PPEF1: variants seen among roughly 807,000 people sequenced by gnomAD.
The protein encoded by PPEF1 is serine/threonine-protein phosphatase with EF-hands 1.
Under a neutral mutation model 53.3 loss-of-function variants are expected in PPEF1, and 12 were observed. The ratio of observed to expected loss-of-function variants is 0.23; its 90% confidence interval spans 0.14 to 0.36. The LOEUF is 0.36. Among genes scored for constraint, PPEF1 ranks in the 10% least tolerant of loss-of-function variants. The pLI is 1.00. For missense variants in PPEF1, 334 were observed against 490.4 expected (o/e 0.68, Z 3.01); for synonymous variants, 165 against 176.7 (o/e 0.93, Z 0.52).
intron 3 of PPEF1, 65 bp downstream of exon 3, chrX:18,733,873 G>A: frequency 2.2e-6 from 2 of 928,005 alleles, no homozygotes; most frequent in Non-Finnish European, 2.9e-6. Flanking sequence ...ATCAAGAGCG[G>A]TAAATTCTGA....
intron 1 of PPEF1, among the ~76,000 whole-genome samples, chrX:18,708,626 G>A (rs753334587): frequency 5.1e-4 from 57 of 112,245 alleles, no homozygotes; most frequent in African/African-American, 1.6e-3. Flanking sequence ...GCCTTTGGAA[G>A]TTTATTCAGG....
chrX:18,693,525 T>C (rs1334728910), intron 4 of PPEF1, among the ~76,000 whole-genome samples: 1 of 112,595 alleles, frequency 8.9e-6, no homozygotes, highest in Non-Finnish European at 1.9e-5. Flanking sequence ...AAAACCGCAG[T>C]TACTTTTGCA....
At chrX:18,775,268 A>G (rs1281457362) in intron 6 of PPEF1, among the ~76,000 whole-genome samples, 1 of 82,598 alleles carries the variant, frequency 1.2e-5, no homozygotes, top group African/African-American at 5.0e-5. Flanking sequence ...CCCAGGCTGG[A>G]GTGCCCTGGC....
intron 13 of PPEF1, among the ~76,000 whole-genome samples, chrX:18,821,947 G>A (rs2047069708): frequency 9.0e-6 from 1 of 111,678 alleles, no homozygotes; most frequent in Non-Finnish European, 1.9e-5. Flanking sequence ...ATGTGGCTAT[G>A]GTCCACTGGA....
intron 2 of PPEF1, among the ~76,000 whole-genome samples, chrX:18,733,203 T>A (rs1408569681): frequency 9.0e-6 from 1 of 110,957 alleles, no homozygotes; most frequent in East Asian, 2.8e-4. Flanking sequence ...TGAAACTCCA[T>A]CTTAAAAAAA....
intron 1 of PPEF1, among the ~76,000 whole-genome samples, chrX:18,683,956 GCTA>G (rs764590060): frequency 1.8e-5 from 2 of 112,248 alleles, no homozygotes; most frequent in East Asian, 5.6e-4. Context: ...CATTTTTAAT[GCTA>G]CTGTTTAGTA....
upstream of PPEF1, among the ~76,000 whole-genome samples, chrX:18,680,648 G>A (rs1452955770): frequency 9.1e-6 from 1 of 109,495 alleles, no homozygotes; most frequent in East Asian, 2.8e-4. Context: ...TTAAGTTTCA[G>A]GGTACATGTG....
intron 7 of PPEF1, among the ~76,000 whole-genome samples, chrX:18,780,931 C>A (rs1262431168): frequency 1.8e-5 from 2 of 109,820 alleles, no homozygotes; most frequent in Non-Finnish European, 3.8e-5. Flanking sequence ...TGGCGGGCGC[C>A]TGTAGTCCCA....
At chrX:18,797,999 T>A (rs1003164163) in intron 10 of PPEF1, among the ~76,000 whole-genome samples, 1 of 111,077 alleles carries the variant, frequency 9.0e-6, no homozygotes, top group Non-Finnish European at 1.9e-5. Flanking sequence ...CAGTCTTAAG[T>A]GATAAGTTCT....
intron 10 of PPEF1, among the ~76,000 whole-genome samples, chrX:18,801,994 AAAAG>A (rs1194018171): frequency 2.0e-4 from 22 of 109,549 alleles, no homozygotes; most frequent in African/African-American, 7.3e-4. Context: ...AAAAAAAAAA[AAAAG>A]AAAAGAAAAG....
At chrX:18,678,529 C>T (rs990005207), upstream of PPEF1, among the ~76,000 whole-genome samples, 2 of 112,012 alleles carry the variant, frequency 1.8e-5, no homozygotes, top group African/African-American at 6.5e-5. Flanking sequence ...CTTTATAATA[C>T]AGTTCTTAGA....
intron 3 of PPEF1, among the ~76,000 whole-genome samples, chrX:18,740,348 AG>A (rs1400781401): frequency 9.0e-6 from 1 of 110,941 alleles, no homozygotes; most frequent in African/African-American, 3.3e-5. Context: ...CAGCAGATCT[AG>A]GGGAAAATGG....
rs899360824 is a variant in PPEF1, at chrX:18,794,378, A to G, written c.1065+5105A>G. Among the ~76,000 whole-genome samples, 4 of 112,932 alleles carry G rather than the reference A, an allele frequency of 3.5e-5. No individual in the cohort carries two copies. The Admixed American group carries it at 3.7e-4, about 11-fold the overall frequency. On this transcript the variant is annotated intron_variant, in intron 10 of 15. Coordinates refer to ENST00000470157, the MANE Select transcript of PPEF1 (RefSeq NM_001377996.1). ...AACTTCCTTACACTCTGTGCCAAAT[A>G]AGGCCAGTCCCTTAGGAAGAGTGGC...
chrX:18,827,396 G>A lies in PPEF1; in HGVS notation c.1871G>A (p.Gly624Glu). Residue 624 changes from glycine to glutamate, a missense_variant, in exon 16 of 16, where the codon GGA (glycine) becomes GAA (glutamate). Gly to Glu is a moderately conservative substitution (Grantham distance 98). Transcript: ENST00000470157. ...LANIMDLNKD[G>E]SIDFNEFLKA... Reference sequence around the variant, plus strand: ...AACATAATGGACTTGAACAAAGATGGAAGCATTGACTTTAATGAGTTTTTA... The same window carrying A: ...AACATAATGGACTTGAACAAAGATGAAAGCATTGACTTTAATGAGTTTTTA... 1 of 1,209,626 alleles carries A rather than the reference G, an allele frequency of 8.3e-7. No homozygotes were observed. The highest frequency in any genetic ancestry group is 1.1e-6 in the Non-Finnish European group (1 of 893,503).
chrX:18,757,584 T>G (rs1391008427), intron 4 of PPEF1, 43 bp from the exon 5 acceptor site: 1 of 1,017,678 alleles, frequency 9.8e-7, no homozygotes, highest in Non-Finnish European at 1.4e-6. Context: ...CATGTCTTTC[T>G]TCCTTGTTCA....
intron 3 of PPEF1, among the ~76,000 whole-genome samples, chrX:18,738,234 A>T (rs1376685355): frequency 1.8e-5 from 2 of 110,908 alleles, no homozygotes; most frequent in African/African-American, 3.3e-5. Flanking sequence ...GGTCTTTACA[A>T]TTTGGCATGT....
At chrX:18,690,224 C>G (rs2147238996) in intron 3 of PPEF1, among the ~76,000 whole-genome samples, 1 of 111,158 alleles carries the variant, frequency 9.0e-6, no homozygotes, top group Admixed American at 9.7e-5. Flanking sequence ...ATGAATGAAA[C>G]CAAGCCAGGA....
chrX:18,804,184 C>A, intron 11 of PPEF1, 107 bp downstream of exon 11: 8 of 734,433 alleles, frequency 1.1e-5, no homozygotes, highest in East Asian at 3.7e-5. Context: ...GATGTCTTCT[C>A]TAGTACCAAA....
At chrX:18,770,370 T>C (rs1295389332) in intron 6 of PPEF1, among the ~76,000 whole-genome samples, 2 of 111,606 alleles carry the variant, frequency 1.8e-5, no homozygotes, top group African/African-American at 6.5e-5. Context: ...CACATCCAAA[T>C]GAGTCTTGCC....
Sources: gnomAD v4.1 joint callset for allele counts (sites outside exome capture counted in the v4.1 genomes callset) on GRCh38, gnomAD v4.1.1 for gene constraint, MANE v1.5 for transcripts, NCBI Gene and HGNC (gene_info 2026-07-23, HGNC 2026-07-21) for gene names.